Variants in UHRF2 observed in about 807,000 individuals in gnomAD.
The protein encoded by UHRF2 is ubiquitin like with PHD and ring finger domains 2, also known as E3 ubiquitin-protein ligase UHRF2.
A neutral mutation model predicts 96.8 loss-of-function variants in UHRF2; 23 were observed. The observed-to-expected ratio is 0.24, with a 90% CI of 0.17 to 0.34. The LOEUF is 0.34. Ranked by LOEUF, UHRF2 falls within the 10% of genes least tolerant of loss-of-function variation. The pLI, the probability that UHRF2 is intolerant of heterozygous loss-of-function variation, is 1.00. For missense variants in UHRF2, 685 were observed against 981.5 expected (o/e 0.70, Z 4.04); for synonymous variants, 385 against 332.6 (o/e 1.16, Z -1.72).
At chr9:6,497,135 A>G in intron 10 of UHRF2, 63 bp from the exon 11 acceptor site, 1 of 1,465,378 alleles carries the variant, frequency 6.8e-7, no homozygotes, top group South Asian at 1.2e-5. Context: ...AATTGAGCTA[A>G]TGACTCGATT....
At chr9:6,497,047 A>G in intron 10 of UHRF2, 151 bp from the exon 11 acceptor site, 1 of 731,170 alleles carries the variant, frequency 1.4e-6, no homozygotes, top group Non-Finnish European at 2.1e-6. Context: ...GGTGGGGGAA[A>G]GCATAATCCT....
intron 3 of UHRF2, among the ~76,000 whole-genome samples, chr9:6,453,353 T>C (rs777834726): frequency 1.3e-5 from 2 of 152,236 alleles, no homozygotes; most frequent in African/African-American, 2.4e-5. Flanking sequence ...CTTTTTACAG[T>C]GTTATTTAAA....
At chr9:6,422,766 C>A (rs1370819801) in intron 2 of UHRF2, 2 of 437,520 alleles carry the variant, frequency 4.6e-6, no homozygotes, top group Admixed American at 4.1e-5. Flanking sequence ...AGCCACCATG[C>A]CCGGCTAACT....
chr9:6,480,818 T>A (rs1823881713), intron 6 of UHRF2, among the ~76,000 whole-genome samples: 1 of 152,182 alleles, frequency 6.6e-6, no homozygotes, highest in Non-Finnish European at 1.5e-5. Flanking sequence ...ACTGAATTAT[T>A]TAAATTTTTC....
At chr9:6,480,380 C>T (rs537353130) in intron 6 of UHRF2, among the ~76,000 whole-genome samples, 2 of 152,326 alleles carry the variant, frequency 1.3e-5, no homozygotes, top group South Asian at 4.1e-4. Context: ...TTATCCCCAG[C>T]ACGAAAATAG....
chr9:6,498,501 C>G, intron 12 of UHRF2: 1 of 169,136 alleles, frequency 5.9e-6, no homozygotes. Flanking sequence ...CTAGAGGGCA[C>G]AGGGGGTGTC....
At chr9:6,442,394 G>A (rs1821220874) in intron 3 of UHRF2, among the ~76,000 whole-genome samples, 1 of 152,196 alleles carries the variant, frequency 6.6e-6, no homozygotes, top group South Asian at 2.1e-4. Context: ...GGTCATTACA[G>A]AATAATCAAT....
intron 9 of UHRF2, 115 bp downstream of exon 9, chr9:6,487,040 G>T: frequency 2.2e-6 from 2 of 913,526 alleles, no homozygotes; most frequent in Non-Finnish European, 3.4e-6. Flanking sequence ...AGTTTTTGTT[G>T]AAGTAATCAG....
At chr9:6,442,110 G>A (rs1334331719) in intron 3 of UHRF2, among the ~76,000 whole-genome samples, 1 of 152,144 alleles carries the variant, frequency 6.6e-6, no homozygotes. Context: ...GATTACAGGT[G>A]CCTGGCACCA....
chr9:6,440,866 C>T (rs919126806), intron 3 of UHRF2, among the ~76,000 whole-genome samples: 1 of 152,140 alleles, frequency 6.6e-6, no homozygotes, highest in Admixed American at 6.5e-5. Context: ...CTAGTATAAT[C>T]CTTCTGAGGG....
In UHRF2 at chr9:6,421,320, C is replaced by G. The variant is rs577321115; in HGVS notation, c.384+178C>G. The stretch of plus-strand genomic sequence containing the variant: ...GATATGAAATACGTAGACAAATGTA[C>G]AAGATGTATATGTACAGTTTAAAGA... On this transcript the variant is annotated intron_variant, in intron 2 of 15. Coordinates refer to ENST00000276893, the MANE Select transcript of UHRF2 (RefSeq NM_152896.3). 3.1e-4 allele frequency among the ~76,000 whole-genome samples: 47 copies of G among 152,156 alleles called. 1 individual carries two copies. In the South Asian group the frequency reaches 9.6e-3, roughly 31 times the overall value.
intron 1 of UHRF2, among the ~76,000 whole-genome samples, chr9:6,417,202 G>C (rs1186346496): frequency 6.6e-6 from 1 of 152,070 alleles, no homozygotes; most frequent in African/African-American, 2.4e-5. Context: ...GTATTCCCTT[G>C]CATCATTGTT....
At chr9:6,460,876 A>G (rs751026108) in intron 4 of UHRF2, 85 bp downstream of exon 4, 18 of 1,067,494 alleles carry the variant, frequency 1.7e-5, no homozygotes, top group Non-Finnish European at 2.1e-5. Flanking sequence ...GTACCTTAGT[A>G]AAAAAAGATG....
chr9:6,448,765 G>C (rs1181706539), intron 3 of UHRF2, among the ~76,000 whole-genome samples: 1 of 152,236 alleles, frequency 6.6e-6, no homozygotes, highest in Non-Finnish European at 1.5e-5. Flanking sequence ...CAGGAGTTAA[G>C]AATGTGGTAG....
chr9:6,481,310 CTTTTG>C (rs1051205971), intron 6 of UHRF2, among the ~76,000 whole-genome samples: 4 of 152,088 alleles, frequency 2.6e-5, no homozygotes, highest in Admixed American at 6.5e-5. Flanking sequence ...GATCTAGCTA[CTTTTG>C]TTTTAATGAC....
At chr9:6,419,625 C>G (rs1819812058) in intron 1 of UHRF2, among the ~76,000 whole-genome samples, 1 of 152,142 alleles carries the variant, frequency 6.6e-6, no homozygotes, top group Non-Finnish European at 1.5e-5. Context: ...ATTCACATTT[C>G]TTGAAGTTGA....
chr9:6,478,128 T>A (rs1823697983), intron 6 of UHRF2, among the ~76,000 whole-genome samples: 1 of 152,236 alleles, frequency 6.6e-6, no homozygotes, highest in African/African-American at 2.4e-5. Context: ...TGATATTTAG[T>A]TGCTTCTCCA....
At chr9:6,436,602 C>G (rs192819936) in intron 3 of UHRF2, among the ~76,000 whole-genome samples, 1 of 152,268 alleles carries the variant, frequency 6.6e-6, no homozygotes, top group East Asian at 1.9e-4. Context: ...ACAACATAGA[C>G]ATAGAATAAG....
chr9:6,503,857 G>T (rs1816436540), intron 14 of UHRF2, among the ~76,000 whole-genome samples: 1 of 151,698 alleles, frequency 6.6e-6, no homozygotes, highest in Non-Finnish European at 1.5e-5. Flanking sequence ...GACATTTAGG[G>T]GGACATTGAC....
Sources: gnomAD v4.1 joint callset for allele counts (sites outside exome capture counted in the v4.1 genomes callset) on GRCh38, gnomAD v4.1.1 for gene constraint, MANE v1.5 for transcripts, NCBI Gene and HGNC (gene_info 2026-07-23, HGNC 2026-07-21) for gene names.